Variants in IL1RAPL1 observed in about 807,000 individuals in gnomAD.
The protein encoded by IL1RAPL1 is interleukin-1 receptor accessory protein-like 1.
IL1RAPL1 carries 3 observed loss-of-function variants against 48.4 expected under a neutral mutation model. The observed-to-expected ratio is 0.06, with a 90% CI of 0.03 to 0.16. IL1RAPL1 has a LOEUF of 0.16. Ranked by LOEUF, IL1RAPL1 falls within the 10% of genes least tolerant of loss-of-function variation. IL1RAPL1 has a pLI of 1.00. For missense variants in IL1RAPL1, 349 were observed against 530.6 expected, an observed-to-expected ratio of 0.66 and a Z score of 3.36; for synonymous variants, 185 against 187.7, an observed-to-expected ratio of 0.99 and a Z score of 0.12.
At chrX:29,131,436 G>T (rs1162805411) in intron 2 of IL1RAPL1, among the ~76,000 whole-genome samples, 2 of 110,056 alleles carry the variant, frequency 1.8e-5, no homozygotes, top group Non-Finnish European at 3.8e-5. Context: ...TATAGAGGGG[G>T]GTATTTTTGG....
At chrX:28,897,390 C>T (rs778957117) in intron 2 of IL1RAPL1, among the ~76,000 whole-genome samples, 8 of 111,684 alleles carry the variant, frequency 7.2e-5, no homozygotes, top group East Asian at 2.8e-4. Flanking sequence ...GTGACCAGCA[C>T]GGGAGTTTTG....
intron 7 of IL1RAPL1, among the ~76,000 whole-genome samples, chrX:29,919,614 T>G (rs1301884719): frequency 8.9e-6 from 1 of 112,574 alleles, no homozygotes; most frequent in Non-Finnish European, 1.9e-5. Context: ...ATTAGAATTT[T>G]TATCTCAACT....
chrX:29,222,812 G>T (rs1227990664), intron 2 of IL1RAPL1, among the ~76,000 whole-genome samples: 3 of 111,360 alleles, frequency 2.7e-5, no homozygotes, highest in Non-Finnish European at 5.6e-5. Context: ...TGCAGGGCTG[G>T]CATCTTTTAA....
At chrX:29,630,106 G>A (rs1231761077) in intron 5 of IL1RAPL1, among the ~76,000 whole-genome samples, 1 of 111,972 alleles carries the variant, frequency 8.9e-6, no homozygotes, top group African/African-American at 3.2e-5. Flanking sequence ...AGATCAGTGT[G>A]CCAGCAGATT....
intron 2 of IL1RAPL1, among the ~76,000 whole-genome samples, chrX:29,182,142 A>G (rs886087042): frequency 1.8e-5 from 2 of 108,820 alleles, no homozygotes; most frequent in African/African-American, 6.7e-5. Context: ...CCTCTGGTAG[A>G]GGAGAAGGGC....
chrX:28,758,360 G>C (rs1293515277), intron 1 of IL1RAPL1, among the ~76,000 whole-genome samples: 1 of 112,104 alleles, frequency 8.9e-6, no homozygotes. Context: ...ACAGATTTCA[G>C]AGGAAGAAAA....
chrX:29,199,722 G>T (rs1930517410), intron 2 of IL1RAPL1, among the ~76,000 whole-genome samples: 1 of 112,115 alleles, frequency 8.9e-6, no homozygotes, highest in Non-Finnish European at 1.9e-5. Flanking sequence ...CTGCTGTGCG[G>T]CCTGGTTACT....
chrX:29,240,274 G>A (rs1384575774), intron 2 of IL1RAPL1, among the ~76,000 whole-genome samples: 5 of 76,854 alleles, frequency 6.5e-5, no homozygotes, highest in African/African-American at 1.1e-4. Flanking sequence ...TCACTCAGTC[G>A]TCCAGGCTGG....
chrX:28,996,908 A>G (rs1373199975), intron 2 of IL1RAPL1, among the ~76,000 whole-genome samples: 1 of 111,795 alleles, frequency 8.9e-6, no homozygotes, highest in African/African-American at 3.2e-5. Flanking sequence ...TCTGTTGCCA[A>G]TTTTTAAACT....
intron 2 of IL1RAPL1, among the ~76,000 whole-genome samples, chrX:29,171,561 G>T (rs755073557): frequency 9.0e-6 from 1 of 111,709 alleles, no homozygotes; most frequent in Admixed American, 9.6e-5. Context: ...ATGATTAAAT[G>T]TAAAAAAGTA....
At chrX:29,884,210 C>A (rs764885713) in intron 6 of IL1RAPL1, among the ~76,000 whole-genome samples, 2 of 111,870 alleles carry the variant, frequency 1.8e-5, no homozygotes, top group Non-Finnish European at 3.8e-5. Context: ...TTTTTATTCC[C>A]TTTCACCTTA....
At chrX:29,750,959 C>T (rs759513948) in intron 6 of IL1RAPL1, among the ~76,000 whole-genome samples, 33 of 111,574 alleles carry the variant, frequency 3.0e-4, no homozygotes, top group African/African-American at 9.4e-4. Context: ...CAAACAATAA[C>T]TTTGAATCAG....
chrX:28,653,305 T>A (rs1214762583), intron 1 of IL1RAPL1, among the ~76,000 whole-genome samples: 1 of 110,758 alleles, frequency 9.0e-6, no homozygotes, highest in East Asian at 2.8e-4. Flanking sequence ...TGAAACCCTG[T>A]CTCTACTAAA....
chrX:28,596,201 C>T (rs1933953288), intron 1 of IL1RAPL1, among the ~76,000 whole-genome samples: 1 of 111,490 alleles, frequency 9.0e-6, no homozygotes, highest in African/African-American at 3.3e-5. Flanking sequence ...ACTCATGCTA[C>T]ATTATACGTA....
At chrX:29,334,027 A>C (rs111779156) in intron 3 of IL1RAPL1, among the ~76,000 whole-genome samples, 1 of 56,831 alleles carries the variant, frequency 1.8e-5, no homozygotes, top group Non-Finnish European at 3.3e-5. Context: ...CGGGGGGCTG[A>C]TCCCCCCACC....
At position 29,296,295 on chromosome X, in the gene IL1RAPL1, A is replaced by G. The variant is rs1041501595; in HGVS notation, c.362+13078A>G. 2.7e-5 allele frequency among the ~76,000 whole-genome samples: 3 copies of G among 111,777 alleles called. No individual in the cohort carries two copies. The Admixed American group carries it at 2.9e-4, about 11-fold the overall frequency. On this transcript the variant is annotated intron_variant, in intron 3 of 10. Coordinates refer to ENST00000378993, the MANE Select transcript of IL1RAPL1 (RefSeq NM_014271.4). The stretch of plus-strand genomic sequence containing the variant: ...AGCTAGTACCCACAGCAGCTAGAGA[A>G]TGAGTACAACAGCTGGTGAAGAAAT...
intron 3 of IL1RAPL1, among the ~76,000 whole-genome samples, chrX:29,349,310 C>G (rs767898271): frequency 8.9e-6 from 1 of 112,082 alleles, no homozygotes; most frequent in Non-Finnish European, 1.9e-5. Flanking sequence ...TATAGTCAAA[C>G]AAGGTAAGTG....
chrX:28,644,511 C>T (rs993037577), intron 1 of IL1RAPL1, among the ~76,000 whole-genome samples: 3 of 111,367 alleles, frequency 2.7e-5, no homozygotes, highest in African/African-American at 9.8e-5. Context: ...GATACACACT[C>T]CCACCTAGCG....
chrX:28,740,462 A>C (rs994429432), intron 1 of IL1RAPL1, among the ~76,000 whole-genome samples: 1 of 111,115 alleles, frequency 9.0e-6, no homozygotes, highest in African/African-American at 3.3e-5. Context: ...CCTTGAAGCA[A>C]TTTTCTTTTT....
Sources: allele counts gnomAD v4.1 joint callset (sites outside exome capture counted in the v4.1 genomes callset), GRCh38; gene constraint gnomAD v4.1.1; transcripts MANE v1.5; gene names NCBI Gene and HGNC (gene_info 2026-07-23, HGNC 2026-07-21).